The following RBFOX1 variants were observed in gnomAD, a reference collection of about 807,000 sequenced individuals.
RBFOX1 encodes the protein RNA binding fox-1 homolog 1.
Under a neutral mutation model 57.7 loss-of-function variants are expected in RBFOX1, and 8 were observed. That is an observed-to-expected ratio of 0.14 (90% CI 0.08 to 0.25). The LOEUF is 0.25. RBFOX1 is among the 10% of genes least tolerant of loss of function. The pLI is 1.00. For synonymous variants in RBFOX1, 326 were observed against 222.4 expected (o/e 1.47, Z -4.15); for missense variants, 611 against 548.5 (o/e 1.11, Z -1.14).
intron 14 of RBFOX1, among the ~76,000 whole-genome samples, chr16:7,703,018 T>C (rs1397280050): frequency 6.6e-6 from 1 of 152,206 alleles, no homozygotes; most frequent in African/African-American, 2.4e-5. Context: ...GCAGAACTGC[T>C]AAATCTCATT....
intron 1 of RBFOX1, among the ~76,000 whole-genome samples, chr16:5,396,381 C>A (rs542671316): frequency 6.6e-6 from 1 of 152,088 alleles, no homozygotes; most frequent in Non-Finnish European, 1.5e-5. Context: ...GGGCTCACAC[C>A]TGTAATCCTA....
chr16:6,731,789 C>T (rs1362851778), intron 3 of RBFOX1, among the ~76,000 whole-genome samples: 3 of 152,104 alleles, frequency 2.0e-5, no homozygotes, highest in Non-Finnish European at 4.4e-5. Flanking sequence ...TCCATTTCTC[C>T]CTTCCCCACT....
intron 3 of RBFOX1, among the ~76,000 whole-genome samples, chr16:6,892,573 G>C (rs765150677): frequency 6.6e-6 from 1 of 152,154 alleles, no homozygotes; most frequent in South Asian, 2.1e-4. Flanking sequence ...AGGAGCCTGA[G>C]GCAGAAGGAT....
intron 3 of RBFOX1, among the ~76,000 whole-genome samples, chr16:5,625,539 TTTATTTACTTA>T (rs1766052697): frequency 7.4e-6 from 1 of 135,024 alleles, no homozygotes; most frequent in South Asian, 2.2e-4. Context: ...TTTTTTGTTA[TTTATTTACTTA>T]TTTATTTATT....
At chr16:5,333,378 C>T (rs1329477387) in intron 1 of RBFOX1, among the ~76,000 whole-genome samples, 1 of 152,166 alleles carries the variant, frequency 6.6e-6, no homozygotes, top group Non-Finnish European at 1.5e-5. Flanking sequence ...GAGACAATGG[C>T]AGAGTTGAGT....
intron 2 of RBFOX1, among the ~76,000 whole-genome samples, chr16:6,550,984 G>A (rs1266921201): frequency 1.3e-5 from 2 of 152,170 alleles, no homozygotes; most frequent in Non-Finnish European, 2.9e-5. Context: ...GGCATTAATA[G>A]TTTGGAGGAG....
At chr16:6,705,468 T>A (rs1296109623) in intron 3 of RBFOX1, 2 of 152,128 alleles carry the variant, frequency 1.3e-5, no homozygotes, top group Non-Finnish European at 2.9e-5. Context: ...TCTTGTTCCG[T>A]CAGTTTAGAG....
chr16:5,292,880 C>G (rs1482170615), intron 1 of RBFOX1, among the ~76,000 whole-genome samples: 1 of 152,016 alleles, frequency 6.6e-6, no homozygotes, highest in Non-Finnish European at 1.5e-5. Flanking sequence ...ACCTCGGCCT[C>G]CCAAAGTGCT....
intron 12 of RBFOX1, 75 bp from the exon 13 acceptor site, chr16:7,664,854 C>T: frequency 1.2e-6 from 2 of 1,612,600 alleles, no homozygotes; most frequent in Admixed American, 3.3e-5. Context: ...CTAACCTCGC[C>T]AGTGCAGGGG....
At chr16:5,431,653 G>A (rs1485022675) in intron 1 of RBFOX1, among the ~76,000 whole-genome samples, 6 of 152,202 alleles carry the variant, frequency 3.9e-5, no homozygotes, top group African/African-American at 1.4e-4. Context: ...GGTTACAGGT[G>A]TGAGCCACCG....
At chr16:7,523,850 C>G (rs1014956729) in intron 5 of RBFOX1, among the ~76,000 whole-genome samples, 16 of 152,322 alleles carry the variant, frequency 1.1e-4, no homozygotes, top group African/African-American at 3.8e-4. Context: ...AGAACGTGGT[C>G]TATGACAAGT....
chr16:5,246,273 AT>A (rs1337193788), intron 1 of RBFOX1, among the ~76,000 whole-genome samples: 1 of 152,148 alleles, frequency 6.6e-6, no homozygotes, highest in African/African-American at 2.4e-5. Flanking sequence ...AAAATTCTGA[AT>A]TTTATTTTTA....
chr16:7,333,157 TG>T, intron 4 of RBFOX1: 2 of 1,461,976 alleles, frequency 1.4e-6, no homozygotes, highest in Non-Finnish European at 1.9e-6. Context: ...GGAATTTTTA[TG>T]GTTGAGAAAG....
At chr16:7,095,579 AAAG>A (rs1299563334) in intron 4 of RBFOX1, among the ~76,000 whole-genome samples, 2 of 152,184 alleles carry the variant, frequency 1.3e-5, no homozygotes, top group African/African-American at 4.8e-5. Flanking sequence ...CCTTTCACAC[AAAG>A]AAGGGTCTGA....
chr16:7,211,616 A>C (rs895327078), intron 4 of RBFOX1, among the ~76,000 whole-genome samples: 3 of 152,178 alleles, frequency 2.0e-5, no homozygotes, highest in African/African-American at 7.2e-5. Context: ...CTAGAGGCAC[A>C]CCTAGTAAGC....
At chr16:6,859,173 A>ATG (rs1491321834) in intron 3 of RBFOX1, among the ~76,000 whole-genome samples, 1 of 65,344 alleles carries the variant, frequency 1.5e-5, no homozygotes, top group Admixed American at 1.4e-4. Flanking sequence ...ACGTATATAT[A>ATG]TGTATATATA....
intron 13 of RBFOX1, chr16:7,671,491 C>T: frequency 7.1e-7 from 1 of 1,416,244 alleles, no homozygotes; most frequent in East Asian, 2.3e-5. Context: ...ATTTGTCTGA[C>T]TTATGCATTC....
intron 5 of RBFOX1, among the ~76,000 whole-genome samples, chr16:7,556,877 A>G (rs866765628): frequency 2.6e-5 from 4 of 152,244 alleles, no homozygotes; most frequent in South Asian, 2.1e-4. Context: ...GTTTTCTGAA[A>G]CCGACTTAGT....
At chr16:5,827,149 C>G (rs1339852533) in intron 3 of RBFOX1, among the ~76,000 whole-genome samples, 1 of 152,094 alleles carries the variant, frequency 6.6e-6, no homozygotes, top group Non-Finnish European at 1.5e-5. Context: ...TGCCTGTAAT[C>G]CCAGCACTCT....
Sources: gnomAD v4.1 joint callset for allele counts (sites outside exome capture counted in the v4.1 genomes callset) on GRCh38, gnomAD v4.1.1 for gene constraint, MANE v1.5 for transcripts, NCBI Gene and HGNC (gene_info 2026-07-23, HGNC 2026-07-21) for gene names.